CSMD3: variants seen among roughly 807,000 people sequenced by gnomAD.
The protein encoded by CSMD3 is CUB and Sushi multiple domains 3, also known as CUB and sushi domain-containing protein 3.
Under a neutral mutation model 435.2 loss-of-function variants are expected in CSMD3, and 177 were observed. That is an observed-to-expected ratio of 0.41 (90% confidence interval 0.36 to 0.46). The LOEUF is 0.46. Ranked by LOEUF, CSMD3 falls within the 20% of genes least tolerant of loss-of-function variation. CSMD3 has a pLI of 0.34. For synonymous variants in CSMD3, 1,656 were observed against 1,520.5 expected, an observed-to-expected ratio of 1.09 and a Z score of -2.07; for missense variants, 4,265 against 4,504.6, an observed-to-expected ratio of 0.95 and a Z score of 1.52.
At chr8:113,151,781 A>G (rs1200343016) in intron 4 of CSMD3, among the ~76,000 whole-genome samples, 1 of 152,018 alleles carries the variant, frequency 6.6e-6, no homozygotes, top group Non-Finnish European at 1.5e-5. Context: ...TATTTCTGAC[A>G]TTATCTTATG....
chr8:112,869,107 G>T (rs1240121974), intron 10 of CSMD3, among the ~76,000 whole-genome samples: 7 of 152,126 alleles, frequency 4.6e-5, no homozygotes. Context: ...AAAAAATCTG[G>T]CTCCTGGGAC....
chr8:112,752,227 C>T (rs2077586513), intron 13 of CSMD3, among the ~76,000 whole-genome samples: 1 of 152,070 alleles, frequency 6.6e-6, no homozygotes, highest in South Asian at 2.1e-4. Context: ...GTTGGTTTTT[C>T]TCCTCCCTCA....
chr8:112,895,375 T>C (rs987048742), intron 10 of CSMD3, among the ~76,000 whole-genome samples: 1 of 151,602 alleles, frequency 6.6e-6, no homozygotes, highest in Admixed American at 6.6e-5. Flanking sequence ...GAACCTGATA[T>C]GTAAATATTT....
chr8:113,032,770 C>A (rs998900658), intron 5 of CSMD3, among the ~76,000 whole-genome samples: 16 of 151,556 alleles, frequency 1.1e-4, no homozygotes, highest in African/African-American at 3.9e-4. Context: ...GGGAAAATGT[C>A]TCCAGGGCAT....
intron 4 of CSMD3, among the ~76,000 whole-genome samples, chr8:113,128,401 A>G (rs1376803492): frequency 1.3e-5 from 2 of 152,052 alleles, no homozygotes; most frequent in African/African-American, 2.4e-5. Context: ...GCAAAATTTT[A>G]TGACCATCTC....
At chr8:112,321,942 G>A (rs1056322610) in intron 45 of CSMD3, among the ~76,000 whole-genome samples, 2 of 152,064 alleles carry the variant, frequency 1.3e-5, no homozygotes, top group Non-Finnish European at 2.9e-5. Flanking sequence ...ATACTTTAAA[G>A]GGGGTACAGT....
chr8:112,265,213 A>G (rs576787763), intron 60 of CSMD3, among the ~76,000 whole-genome samples, 198 bp downstream of exon 60: 3 of 152,098 alleles, frequency 2.0e-5, no homozygotes, highest in Non-Finnish European at 4.4e-5. Flanking sequence ...AATAAGATAT[A>G]ATGTTTTTGT....
At chr8:113,180,261 C>G (rs1469049795) in intron 3 of CSMD3, among the ~76,000 whole-genome samples, 1 of 151,828 alleles carries the variant, frequency 6.6e-6, no homozygotes, top group East Asian at 1.9e-4. Flanking sequence ...AAACACTTAA[C>G]AAACAAATCC....
intron 16 of CSMD3, among the ~76,000 whole-genome samples, chr8:112,680,015 T>A: frequency 6.6e-6 from 1 of 152,198 alleles, no homozygotes; most frequent in East Asian, 1.9e-4. Context: ...CTATTCCTTT[T>A]GCCTGAAACA....
intron 6 of CSMD3, among the ~76,000 whole-genome samples, chr8:112,978,109 G>A (rs888692181): frequency 6.6e-6 from 1 of 151,776 alleles, no homozygotes; most frequent in Admixed American, 6.6e-5. Context: ...AAAAACTAAT[G>A]CTTTAATATT....
intron 1 of CSMD3, among the ~76,000 whole-genome samples, chr8:113,327,178 C>T (rs913509008): frequency 2.0e-5 from 3 of 152,128 alleles, no homozygotes; most frequent in African/African-American, 4.8e-5. Context: ...GGGCAGCTGA[C>T]ATCCTGCTGT....
chr8:112,727,809 C>T (rs566121885), intron 13 of CSMD3, among the ~76,000 whole-genome samples: 10 of 151,704 alleles, frequency 6.6e-5, no homozygotes, highest in African/African-American at 1.7e-4. Context: ...AAAATACTGT[C>T]GGATTCTAAA....
chr8:113,123,174 T>C (rs976511936), intron 4 of CSMD3, among the ~76,000 whole-genome samples: 9 of 152,092 alleles, frequency 5.9e-5, no homozygotes, highest in Non-Finnish European at 1.2e-4. Context: ...GTTTCATATC[T>C]AATCCAGCAA....
chr8:112,409,525 C>A (rs115288980), intron 32 of CSMD3, among the ~76,000 whole-genome samples: 3 of 151,734 alleles, frequency 2.0e-5, no homozygotes, highest in Admixed American at 6.6e-5. Flanking sequence ...AAAAGATTAG[C>A]GAGATTCTTT....
intron 5 of CSMD3, among the ~76,000 whole-genome samples, chr8:113,045,913 T>A (rs1298139290): frequency 6.7e-6 from 1 of 149,560 alleles, no homozygotes; most frequent in African/African-American, 2.4e-5. Context: ...TTGTATATAT[T>A]TTTTTCACAG....
chr8:112,620,721 G>A (rs1834003918), intron 22 of CSMD3, among the ~76,000 whole-genome samples: 1 of 152,074 alleles, frequency 6.6e-6, no homozygotes, highest in African/African-American at 2.4e-5. Flanking sequence ...CCCTGCATTT[G>A]ATCCCCGCCT....
chr8:113,402,353 C>G (rs938694590), intron 1 of CSMD3, among the ~76,000 whole-genome samples: 4 of 151,302 alleles, frequency 2.6e-5, no homozygotes, highest in Non-Finnish European at 4.4e-5. Context: ...CAACCTGAAT[C>G]TCTTGGCAAA....
intron 5 of CSMD3, among the ~76,000 whole-genome samples, chr8:113,090,775 C>G (rs1333292058): frequency 2.6e-5 from 4 of 152,096 alleles, no homozygotes; most frequent in Non-Finnish European, 5.9e-5. Context: ...GTTTCTCTTA[C>G]AAACATATGT....
chr8:112,433,009 T>G (rs1813881745), intron 32 of CSMD3, among the ~76,000 whole-genome samples: 2 of 152,148 alleles, frequency 1.3e-5, no homozygotes, highest in African/African-American at 4.8e-5. Context: ...TATGTTAACT[T>G]TTTTTGTAAC....
Sources: allele counts gnomAD v4.1 joint callset (sites outside exome capture counted in the v4.1 genomes callset), GRCh38; gene constraint gnomAD v4.1.1; transcripts MANE v1.5; gene names NCBI Gene and HGNC (gene_info 2026-07-23, HGNC 2026-07-21).